The following GC variants were observed in gnomAD, a reference collection of about 807,000 sequenced individuals.
The protein encoded by GC is GC vitamin D binding protein, also known as vitamin D-binding protein.
A neutral mutation model predicts 56.7 loss-of-function variants in GC; 43 were observed. The observed-to-expected ratio is 0.76, with a 90% CI of 0.59 to 0.98. The LOEUF is 0.98. GC is among the 50% of genes least tolerant of loss of function. GC has a pLI of 0.00. For missense variants in GC, 529 were observed against 545.9 expected, an observed-to-expected ratio of 0.97 and a Z score of 0.31; for synonymous variants, 216 against 202.7, an observed-to-expected ratio of 1.07 and a Z score of -0.56.
intron 1 of GC, among the ~76,000 whole-genome samples, chr4:71,799,555 G>A (rs1246184314): frequency 6.6e-6 from 1 of 152,118 alleles, no homozygotes; most frequent in Non-Finnish European, 1.5e-5. Flanking sequence ...GTCAGGAGAG[G>A]TAAGCCAGGG....
chr4:71,747,982 T>G (rs1198262083), intron 11 of GC, among the ~76,000 whole-genome samples: 1 of 152,200 alleles, frequency 6.6e-6, no homozygotes, highest in Non-Finnish European at 1.5e-5. Context: ...ATCAATAGTT[T>G]GCTTTTGTCA....
At chr4:71,790,274 C>G (rs1368456191) in intron 1 of GC, among the ~76,000 whole-genome samples, 1 of 151,860 alleles carries the variant, frequency 6.6e-6, no homozygotes, top group Non-Finnish European at 1.5e-5. Context: ...TTTGCACCAA[C>G]CAAAAAAACT....
At position 71,771,329 on chromosome 4, in the gene GC, G is replaced by A. The variant is rs533032929; in HGVS notation, c.59-1929C>T. ...TGGTGATTAGATACAGACTTGAAAG[G>A]GTTGTATTTTTTTTTTTAAAGATTC... On this transcript the variant is annotated intron_variant, in intron 1 of 12. Transcript: ENST00000273951. 6.6e-5 allele frequency among the ~76,000 whole-genome samples: 10 copies of A among 151,856 alleles called. No individual in the cohort carries two copies. In the South Asian group the frequency reaches 8.3e-4, roughly 13 times the overall value.
chr4:71,777,782 A>G (rs1200483052), intron 1 of GC, among the ~76,000 whole-genome samples: 1 of 151,468 alleles, frequency 6.6e-6, no homozygotes, highest in Non-Finnish European at 1.5e-5. Context: ...AGATAAAAAA[A>G]TCACAGTTAT....
At chr4:71,794,856 T>G (rs1156746641) in intron 1 of GC, among the ~76,000 whole-genome samples, 1 of 152,248 alleles carries the variant, frequency 6.6e-6, no homozygotes, top group Non-Finnish European at 1.5e-5. Context: ...TGGTACTTTG[T>G]GTCTTTTTTC....
chr4:71,746,636 C>T (rs1035808066), intron 11 of GC, among the ~76,000 whole-genome samples: 6 of 151,568 alleles, frequency 4.0e-5, no homozygotes, highest in African/African-American at 9.7e-5. Flanking sequence ...TGTGCAAAGG[C>T]CTTGAGGTAA....
rs1381951787 is a variant in GC at position 71,755,090 on chromosome 4, C to T, written c.1052G>A (p.Ser351Asn). ...KVMDKYTFEL[S>N]RRTHLPEVFL... ...TACTTCCGGAAGATGAGTCCTTCTG[C>T]TTAGTTCAAATGTATACCTAGCATG... Residue 351 changes from serine to asparagine, a missense_variant, in exon 9 of 13, where the codon AGC (serine) becomes AAC (asparagine). Transcript: ENST00000273951. 6.3e-7 allele frequency: 1 copy of T among 1,581,456 alleles called. No individual in the cohort carries two copies. Among genetic ancestry groups the T allele is most frequent in the South Asian group, 1.1e-5 (1 of 87,772 alleles).
At chr4:71,760,716 G>A (rs1741940352) in intron 6 of GC, among the ~76,000 whole-genome samples, 1 of 152,100 alleles carries the variant, frequency 6.6e-6, no homozygotes, top group Non-Finnish European at 1.5e-5. Flanking sequence ...GAATCATGGG[G>A]GTGGGTCTTT....
At chr4:71,780,200 G>A (rs1370468949) in intron 1 of GC, among the ~76,000 whole-genome samples, 2 of 152,024 alleles carry the variant, frequency 1.3e-5, no homozygotes, top group Non-Finnish European at 2.9e-5. Flanking sequence ...GCTGAAACTG[G>A]ATCTCTTCCT....
At chr4:71,755,838 ACTTATAAAAG>A (rs745474914) in intron 8 of GC, among the ~76,000 whole-genome samples, 1 of 152,188 alleles carries the variant, frequency 6.6e-6, no homozygotes, top group Non-Finnish European at 1.5e-5. Context: ...CTGTCTATGC[ACTTATAAAAG>A]CAATACACAT....
At chr4:71,761,733 A>G (rs1044212181) in intron 6 of GC, among the ~76,000 whole-genome samples, 1 of 152,142 alleles carries the variant, frequency 6.6e-6, no homozygotes. Context: ...AAAGGGGCCA[A>G]TGTAGAGCTT....
intron 1 of GC, among the ~76,000 whole-genome samples, chr4:71,782,734 T>C (rs918285354): frequency 6.6e-6 from 1 of 151,806 alleles, no homozygotes; most frequent in Non-Finnish European, 1.5e-5. Context: ...GGACCTTCTG[T>C]GTTTGAAGAC....
At chr4:71,760,356 A>G (rs915192409) in intron 6 of GC, among the ~76,000 whole-genome samples, 3 of 152,010 alleles carry the variant, frequency 2.0e-5, no homozygotes, top group African/African-American at 7.2e-5. Flanking sequence ...CTGGACAAGA[A>G]AGTAGTTTCT....
At chr4:71,797,759 A>T (rs1743144030) in intron 1 of GC, among the ~76,000 whole-genome samples, 1 of 152,158 alleles carries the variant, frequency 6.6e-6, no homozygotes, top group African/African-American at 2.4e-5. Flanking sequence ...CGTCAATCAC[A>T]CTGGGAGCTG....
intron 11 of GC, among the ~76,000 whole-genome samples, chr4:71,749,830 T>C (rs1006293161): frequency 6.6e-6 from 1 of 152,216 alleles, no homozygotes; most frequent in Non-Finnish European, 1.5e-5. Context: ...AAGAAAAGGC[T>C]TTTATTCTAC....
At chr4:71,768,133 C>T (rs1265320216) in intron 3 of GC, among the ~76,000 whole-genome samples, 168 bp downstream of exon 3, 1 of 152,090 alleles carries the variant, frequency 6.6e-6, no homozygotes, top group Non-Finnish European at 1.5e-5. Context: ...GTAATATTGA[C>T]TCATTATGTT....
At chr4:71,788,446 A>C (rs548157015), upstream of GC, among the ~76,000 whole-genome samples, 2 of 152,018 alleles carry the variant, frequency 1.3e-5, no homozygotes, top group South Asian at 2.1e-4. Flanking sequence ...GAACAATTAG[A>C]GATAAATTGT....
chr4:71,757,568 G>A (rs1184874429), intron 7 of GC, among the ~76,000 whole-genome samples: 2 of 150,444 alleles, frequency 1.3e-5, no homozygotes, highest in African/African-American at 4.9e-5. Context: ...TAGTATAATG[G>A]TTGAAGTGCC....
rs924612666 is a variant in GC at position 71,798,941 on chromosome 4, A to G, written c.21+4985T>C. On this transcript the variant is annotated intron_variant, in intron 1 of 13. Transcript: ENST00000504199. ...AATTACTGAGATATAATTTAAATAC[A>G]AAACATTCACTCTTTTAAAGTATGA... is the stretch of plus-strand genomic sequence containing the variant. Among the ~76,000 whole-genome samples the G allele has an allele frequency of 3.3e-5, 5 of 152,178 alleles. No homozygotes were observed. In the South Asian group the frequency reaches 1.0e-3, roughly 32 times the overall value.
Sources: gnomAD v4.1 joint callset for allele counts (sites outside exome capture counted in the v4.1 genomes callset) on GRCh38, gnomAD v4.1.1 for gene constraint, MANE v1.5 for transcripts, NCBI Gene and HGNC (gene_info 2026-07-23, HGNC 2026-07-21) for gene names.